Variants in ZKSCAN8 observed in about 807,000 individuals in gnomAD.
ZKSCAN8 encodes the protein zinc finger with KRAB and SCAN domains 8, also known as zinc finger protein with KRAB and SCAN domains 8.
A neutral mutation model predicts 57.2 loss-of-function variants in ZKSCAN8; 27 were observed. That is an observed-to-expected ratio of 0.47 (90% CI 0.35 to 0.65). The LOEUF (loss-of-function observed/expected upper bound fraction) is 0.65, where lower values mean the gene tolerates loss of function less well. Ranked by LOEUF, ZKSCAN8 falls within the 30% of genes least tolerant of loss-of-function variation. The pLI is 0.01. For synonymous variants in ZKSCAN8, 214 were observed against 248.7 expected (o/e 0.86, Z 1.31); for missense variants, 597 against 696.3 (o/e 0.86, Z 1.60).
rs759585565 is a variant in ZKSCAN8, at chr6:28,153,495, A to G, written c.1215A>G (p.Pro405=). The change falls in exon 6 of 6, where the codon CCA becomes CCG. Residue 405 remains proline (P), a synonymous_variant. Coordinates refer to ENST00000330236, the MANE Select transcript of ZKSCAN8 (RefSeq NM_006298.4). The stretch of plus-strand genomic sequence containing the variant: ...AGAGAATCCACACTGGGGAGAAGCC[A>G]TATCAGTGCAATCAGTGTGGGAAGG... ...LHQRIHTGEK[P]YQCNQCGKAF... is the part of the protein sequence containing the mutation. 9 of 1,609,316 alleles carry G rather than the reference A, an allele frequency of 5.6e-6. No homozygotes were observed. The highest frequency in any genetic ancestry group is 2.2e-5 in the East Asian group (1 of 44,726).
At chr6:28,148,295 T>A in intron 1 of ZKSCAN8, 21 bp from the exon 2 acceptor site, 2 of 1,164,476 alleles carry the variant, frequency 1.7e-6, no homozygotes, top group Admixed American at 2.8e-5. Flanking sequence ...GCCTTAACAC[T>A]ATCATATTTT....
intron 3 of ZKSCAN8, 50 bp from the exon 4 acceptor site, chr6:28,151,795 A>C (rs1765598340): frequency 6.7e-7 from 1 of 1,496,414 alleles, no homozygotes. Context: ...GCCAGCTCCC[A>C]CAACCACAGG....
rs2113605640 is a variant in ZKSCAN8, at chr6:28,157,026, G to C, written c.*3009G>C. The C allele has an allele frequency of 6.6e-6, 1 of 152,298 alleles. No homozygotes were observed. The highest frequency in any genetic ancestry group is 3.4e-3 in the Middle Eastern group (1 of 294). 9.4% of individuals were successfully genotyped at this position (152,298 alleles called of 1,614,324 possible). On this transcript the variant is annotated 3_prime_UTR_variant, in exon 6 of 6. Coordinates refer to ENST00000330236, the MANE Select transcript of ZKSCAN8 (RefSeq NM_006298.4). ...TCTCAGGCTCATGATAAATGTATTA[G>C]TCTGTTCTCATGCTGCTATTAAAGA...
At position 28,152,347 on chromosome 6, in the gene ZKSCAN8, T is replaced by G. The variant is rs775888299; in HGVS notation, c.738T>G (p.Asp246Glu). The G allele has an allele frequency of 1.1e-5, 18 of 1,612,080 alleles. No individual in the cohort carries two copies. The highest frequency in any genetic ancestry group is 1.7e-5 in the Admixed American group (1 of 59,402). Residue 246 changes from aspartate (D) to glutamate (E), a missense_variant, in exon 5 of 6, where the codon GAT becomes GAG. By Grantham distance (45) the Asp-to-Glu change is conservative. Coordinates refer to ENST00000330236, the MANE Select transcript of ZKSCAN8 (RefSeq NM_006298.4). The part of the protein sequence containing the change: ...LDPSQKDLCR[D>E]NRPENFRNMF... ...CATCACAGAAGGATCTGTGTAGAGA[T>G]AACAGGCCAGAAAATTTCAGAAACA...
rs1386908571 is a variant in ZKSCAN8, at chr6:28,156,451, G to A, written c.*2434G>A. The A allele has an allele frequency of 2.7e-6, 1 of 368,490 alleles. No homozygotes were observed. 22.8% of individuals were successfully genotyped at this position (368,490 alleles called of 1,614,324 possible). A position where few individuals can be genotyped will look rare whatever the true frequency, so the allele number is the denominator to read the frequency against. On this transcript the variant is annotated 3_prime_UTR_variant, in exon 6 of 6. Transcript: ENST00000330236. ...GAAAATAATATGACTAGAAAAATTA[G>A]TGTTATATTGGGTGTGAGAAAAGAC...
intron 5 of ZKSCAN8, 92 bp downstream of exon 5, chr6:28,152,476 A>G (rs1213900245): frequency 6.2e-6 from 9 of 1,461,828 alleles, no homozygotes; most frequent in Non-Finnish European, 8.2e-6. Context: ...TGAAAGACAT[A>G]GTTAAGTTTA....
Position 28,148,639 on chromosome 6 carries a change from C to G in ZKSCAN8, c.232C>G (p.Gln78Glu). ...GATCCAACTACGGGCCCTTTGCCAT[C>G]AGTGGCTGAGGCCAGATTTGAACAC... ...ALIQLRALCH[Q>E]WLRPDLNTKE... The change falls in exon 2 of 6, where the codon CAG becomes GAG. Residue 78 changes from glutamine to glutamate, a missense_variant. Coordinates refer to ENST00000330236, the MANE Select transcript of ZKSCAN8 (RefSeq NM_006298.4). 1 of 1,614,110 alleles carries G rather than the reference C, an allele frequency of 6.2e-7. No homozygotes were observed. The highest frequency in any genetic ancestry group is 8.5e-7 in the Non-Finnish European group (1 of 1,180,028).
rs1354546737 is a variant in ZKSCAN8, at chr6:28,148,707, G to C, written c.300G>C (p.Leu100Phe). The change falls in exon 2 of 6, where the codon TTG becomes TTC. Residue 100 changes from leucine to phenylalanine, a missense_variant. Transcript: ENST00000330236. ...ILELLVLEQF[L>F]TILPEELQTL... ...AGCTGCTGGTGCTGGAGCAGTTCTT[G>C]ACCATCCTACCTGAGGAGCTCCAGA... is the stretch of plus-strand genomic sequence containing the variant. 2 of 1,614,042 alleles carry C rather than the reference G, an allele frequency of 1.2e-6. No homozygotes were observed. The highest frequency in any genetic ancestry group is 1.7e-6 in the Non-Finnish European group (2 of 1,180,034).
chr6:28,157,314 A>G lies in ZKSCAN8; in HGVS notation c.*3297A>G, dbSNP rs1473385718. The G allele has an allele frequency of 6.6e-6, 1 of 152,220 alleles. No homozygotes were observed. Among genetic ancestry groups the G allele is most frequent in the African/African-American group, 2.4e-5 (1 of 41,456 alleles). 9.4% of individuals were successfully genotyped at this position (152,220 alleles called of 1,614,324 possible). A position where few individuals can be genotyped will look rare whatever the true frequency, so the allele number is the denominator to read the frequency against. ...AATTACCTCCCACTTGGTCCCACCC[A>G]CGACACGTGGGAATTGTGGGAGCTA... On this transcript the variant is annotated 3_prime_UTR_variant, in exon 6 of 6. Coordinates refer to ENST00000330236, the MANE Select transcript of ZKSCAN8 (RefSeq NM_006298.4).
intron 1 of ZKSCAN8, among the ~76,000 whole-genome samples, chr6:28,143,554 C>G (rs1765289700): frequency 6.6e-6 from 1 of 152,084 alleles, no homozygotes. Flanking sequence ...CAAGCCTGAG[C>G]AACATAGTGA....
chr6:28,146,262 A>G (rs951083321), intron 1 of ZKSCAN8, among the ~76,000 whole-genome samples: 16 of 152,240 alleles, frequency 1.1e-4, no homozygotes, highest in Admixed American at 3.3e-4. Flanking sequence ...GGAAAATACA[A>G]TTAAGTTTTG....
intron 2 of ZKSCAN8, 147 bp from the exon 3 acceptor site, chr6:28,149,336 G>A (rs1378707586): frequency 2.8e-6 from 3 of 1,060,868 alleles, no homozygotes; most frequent in Non-Finnish European, 4.1e-6. Context: ...ACGTATTCGT[G>A]TTCCTTACTG....
Position 28,153,198 on chromosome 6 carries a change from G to A in ZKSCAN8, c.918G>A (p.Leu306=). ...GLEHEEARDL[L]GRLERQRGNP... ...AGCATGAAGAAGCCCGAGACCTTCT[G>A]GGCAGATTAGAGAGGCAGCGGGGAA... Residue 306 remains leucine (L), a synonymous_variant, in exon 6 of 6, where the codon CTG becomes CTA. Coordinates refer to ENST00000330236, the MANE Select transcript of ZKSCAN8 (RefSeq NM_006298.4). The A allele has an allele frequency of 6.2e-7, 1 of 1,614,160 alleles. No homozygotes were observed. The highest frequency in any genetic ancestry group is 8.5e-7 in the Non-Finnish European group (1 of 1,180,014).
At position 28,158,454 on chromosome 6, in the gene ZKSCAN8, A is replaced by T. The variant is rs933503532; in HGVS notation, c.*4437A>T. 7 of 152,190 alleles carry T rather than the reference A, an allele frequency of 4.6e-5. No homozygotes were observed. Among genetic ancestry groups the T allele is most frequent in the African/African-American group, 1.7e-4 (7 of 41,438 alleles). The allele number at this position is 152,190 out of a possible 1,614,324, so 9.4% of individuals were successfully genotyped here. On this transcript the variant is annotated 3_prime_UTR_variant, in exon 6 of 6. Transcript: ENST00000330236. ...ATATTTGAAAACAGGATTCATCACCATATATCCCCAGCCCCCGTTTTCTTT... is the reference window on the plus strand; with the variant it reads ...ATATTTGAAAACAGGATTCATCACCTTATATCCCCAGCCCCCGTTTTCTTT...
intron 3 of ZKSCAN8, 33 bp from the exon 4 acceptor site, chr6:28,151,812 C>T (rs1231330185): frequency 3.2e-6 from 5 of 1,564,056 alleles, no homozygotes; most frequent in Non-Finnish European, 4.4e-6. Context: ...CAGGACAGGA[C>T]TGGTCTCATT....
chr6:28,150,965 C>T (rs1479754180), intron 3 of ZKSCAN8, among the ~76,000 whole-genome samples: 1 of 152,118 alleles, frequency 6.6e-6, no homozygotes, highest in Non-Finnish European at 1.5e-5. Flanking sequence ...CGCCACCATG[C>T]CTGGCTAATT....
chr6:28,156,867 G>GCA lies in ZKSCAN8; in HGVS notation c.*2851_*2852dup, dbSNP rs1170450422. ...AGGTTTCAGAGATTTTCTCCATGGA[G>GCA]CAAGGTGCAGTGCTAGAATATGGTG... is the stretch of plus-strand genomic sequence containing the variant. On this transcript the variant is annotated 3_prime_UTR_variant, in exon 6 of 6. Transcript: ENST00000330236. The GCA allele has an allele frequency of 6.6e-6, 1 of 152,166 alleles. No individual in the cohort carries two copies. The highest frequency in any genetic ancestry group is 1.9e-4 in the East Asian group (1 of 5,184). The allele number at this position is 152,166 out of a possible 1,614,324, so 9.4% of individuals were successfully genotyped here.
In ZKSCAN8 at chr6:28,156,780, A is replaced by G. The variant is rs1765797258; in HGVS notation, c.*2763A>G. On this transcript the variant is annotated 3_prime_UTR_variant, in exon 6 of 6. Transcript: ENST00000330236. ...TAAGCTTCTCATTTTAGGAACTGAC[A>G]TGATAAGGTGGTTCTTTCATAACTC... 1 of 152,214 alleles carries G rather than the reference A, an allele frequency of 6.6e-6. No individual in the cohort carries two copies. The highest frequency in any genetic ancestry group is 1.5e-5 in the Non-Finnish European group (1 of 68,036). 9.4% of individuals were successfully genotyped at this position (152,214 alleles called of 1,614,324 possible).
At chr6:28,151,798 A>G in intron 3 of ZKSCAN8, 47 bp from the exon 4 acceptor site, 1 of 1,507,612 alleles carries the variant, frequency 6.6e-7, no homozygotes, top group Non-Finnish European at 9.2e-7. Flanking sequence ...AGCTCCCACA[A>G]CCACAGGACA....
Sources: gnomAD v4.1 joint callset for allele counts (sites outside exome capture counted in the v4.1 genomes callset) on GRCh38, gnomAD v4.1.1 for gene constraint, MANE v1.5 for transcripts, NCBI Gene and HGNC (gene_info 2026-07-23, HGNC 2026-07-21) for gene names.